The following PRDM8 variants were observed in gnomAD, a reference collection of about 807,000 sequenced individuals.
The protein encoded by PRDM8 is PR domain zinc finger protein 8.
PRDM8 carries 13 observed loss-of-function variants against 46.5 expected under a neutral mutation model. That is an observed-to-expected ratio of 0.28 (90% CI 0.18 to 0.44). The LOEUF is 0.44. PRDM8 is among the 20% of genes least tolerant of loss of function. PRDM8 has a pLI of 1.00. For synonymous variants in PRDM8, 473 were observed against 438.4 expected (o/e 1.08, Z -0.98); for missense variants, 998 against 955.0 (o/e 1.04, Z -0.59).
upstream of PRDM8, among the ~76,000 whole-genome samples, chr4:80,196,790 C>T (rs2109871185): frequency 6.6e-6 from 1 of 152,246 alleles, no homozygotes; most frequent in Admixed American, 6.5e-5. Flanking sequence ...CTGCGCTCTT[C>T]CCACCAACCT....
chr4:80,196,895 T>G, upstream of PRDM8: 1 of 984,778 alleles, frequency 1.0e-6, no homozygotes, highest in Non-Finnish European at 1.2e-6. Context: ...CACTCCAACC[T>G]CATCTCCCAA....
In PRDM8 at chr4:80,203,749, C is replaced by T. The variant is rs1010315730; in HGVS notation, c.*217C>T. On this transcript the variant is annotated 3_prime_UTR_variant, in exon 4 of 4. Transcript: ENST00000415738. ...TACCCGGGACACACACCCCCCCCCACACACACACACAGACACACTCACACA... is the reference window on the plus strand; with the variant it reads ...TACCCGGGACACACACCCCCCCCCATACACACACACAGACACACTCACACA... 2 of 520,250 alleles carry T rather than the reference C, an allele frequency of 3.8e-6. No homozygotes were observed. Among genetic ancestry groups the T allele is most frequent in the African/African-American group, 4.0e-5 (2 of 49,460 alleles). The allele number at this position is 520,250 out of a possible 1,614,324, so 32.2% of individuals were successfully genotyped here.
chr4:80,189,897 C>T (rs532846686), intron 1 of PRDM8: 2 of 152,284 alleles, frequency 1.3e-5, no homozygotes, highest in Non-Finnish European at 2.9e-5. Flanking sequence ...GGCATTGAGA[C>T]CATCTCGTGT....
chr4:80,202,211 C>CCGG lies in PRDM8; in HGVS notation c.754_756dup (p.Gly252dup). On this transcript the variant is annotated inframe_insertion, in exon 4 of 4. Transcript: ENST00000415738. ...GAAAGCAGCAACCCATCCGCTGCCG[C>CCGG]CGGCGGCAGCAGCGCGAAGCCATCC... The CCGG allele has an allele frequency of 6.2e-7, 1 of 1,612,030 alleles. No individual in the cohort carries two copies. Among genetic ancestry groups the CCGG allele is most frequent in the Non-Finnish European group, 8.5e-7 (1 of 1,179,734 alleles).
upstream of PRDM8, chr4:80,197,448 C>T (rs751201331): frequency 1.2e-4 from 116 of 985,658 alleles, no homozygotes; most frequent in Non-Finnish European, 1.4e-4. Context: ...GGCTGTCACG[C>T]GTCATTGGGC....
At position 80,203,093 on chromosome 4, in the gene PRDM8, C is replaced by T. The variant is rs771914755; in HGVS notation, c.1631C>T (p.Pro544Leu). 2.9e-5 allele frequency: 45 copies of T among 1,573,092 alleles called. No homozygotes were observed. Among genetic ancestry groups the T allele is most frequent in the Non-Finnish European group, 3.8e-5 (44 of 1,168,544 alleles). The change falls in exon 4 of 4, where the codon CCT (proline) becomes CTT (leucine). Residue 544 changes from proline (P) to leucine (L), a missense_variant. Coordinates refer to ENST00000415738, the MANE Select transcript of PRDM8 (RefSeq NM_001099403.2). ...AGACTCTATCCCGCCGCCGCGGACCCTCTAGCGGTGAAGCTCCAGGGGGCC... is the reference window on the plus strand; with the variant it reads ...AGACTCTATCCCGCCGCCGCGGACCTTCTAGCGGTGAAGCTCCAGGGGGCC... ...PTRLYPAAAD[P>L]LAVKLQGAAD... is the part of the protein sequence containing the mutation.
chr4:80,194,476 T>G (rs1456863700), upstream of PRDM8, among the ~76,000 whole-genome samples: 9 of 152,232 alleles, frequency 5.9e-5, no homozygotes, highest in Non-Finnish European at 1.3e-4. Flanking sequence ...GTAGTTTATG[T>G]ACCATTTTAG....
chr4:80,193,882 T>C (rs1042569591), upstream of PRDM8, among the ~76,000 whole-genome samples: 3 of 152,310 alleles, frequency 2.0e-5, no homozygotes, highest in African/African-American at 7.2e-5. Flanking sequence ...TAGAGGTGGG[T>C]AAGCCAGGAC....
chr4:80,191,589 T>C (rs1737550079), intron 2 of PRDM8: 1 of 152,214 alleles, frequency 6.6e-6, no homozygotes, highest in Non-Finnish European at 1.5e-5. Flanking sequence ...GAAGTGTTTA[T>C]AGTAATAATG....
rs1477937272 is a variant in PRDM8, at chr4:80,202,588, C to A, written c.1126C>A (p.Pro376Thr). ...CGGCCGCCTCTTCGCGCCGCCAAGT[C>A]CCGAGACGGGCGAGGCGAAGCGCAG... ...ENGRLFAPPSPETGEAKRSAF... is the reference protein window; with the variant it reads ...ENGRLFAPPSTETGEAKRSAF... Residue 376 changes from proline to threonine, a missense_variant, in exon 4 of 4, where the codon CCC (proline) becomes ACC (threonine). Coordinates refer to ENST00000415738, the MANE Select transcript of PRDM8 (RefSeq NM_001099403.2). The A allele has an allele frequency of 6.5e-7, 1 of 1,533,648 alleles. No individual in the cohort carries two copies. The highest frequency in any genetic ancestry group is 2.0e-5 in the Admixed American group (1 of 50,890).
At position 80,200,132 on chromosome 4, in the gene PRDM8, G is replaced by C. The variant is rs772929888; in HGVS notation, c.52G>C (p.Val18Leu). Residue 18 changes from valine (V) to leucine (L), a missense_variant, in exon 2 of 4, where the codon GTC (valine) becomes CTC (leucine). Coordinates refer to ENST00000415738, the MANE Select transcript of PRDM8 (RefSeq NM_001099403.2). ...RGIWDGDAKA[V>L]QQCLTDIFTS... ...CATCTGGGATGGAGATGCCAAGGCT[G>C]TCCAACAATGTCTGACAGATATTTT... The C allele has an allele frequency of 1.9e-6, 3 of 1,613,994 alleles. No homozygotes were observed. The highest frequency in any genetic ancestry group is 2.7e-5 in the African/African-American group (2 of 74,904).
intron 1 of PRDM8, among the ~76,000 whole-genome samples, chr4:80,187,249 C>CGGGGGG (rs138488658): frequency 4.9e-5 from 6 of 121,636 alleles, no homozygotes; most frequent in Non-Finnish European, 1.2e-4. Context: ...TGCCCTGGGG[C>CGGGGGG]GGGGGGAAGC....
chr4:80,203,363 T>G lies in PRDM8; in HGVS notation c.1901T>G (p.Phe634Cys), dbSNP rs1245779420. The G allele has an allele frequency of 1.2e-6, 2 of 1,613,924 alleles. No homozygotes were observed. Among genetic ancestry groups the G allele is most frequent in the East Asian group, 2.2e-5 (1 of 44,834 alleles). Residue 634 changes from phenylalanine (F) to cysteine (C), a missense_variant, in exon 4 of 4, where the codon TTC (phenylalanine) becomes TGC (cysteine). Phe to Cys is a radical substitution (Grantham distance 205). Transcript: ENST00000415738. ...QNWCAKCNASFRMTSDLVYHM... is the reference protein window; with the variant it reads ...QNWCAKCNASCRMTSDLVYHM... ...TGGTGCGCCAAGTGCAATGCCTCCT[T>G]CCGCATGACCTCCGACCTGGTGTAC...
intron 1 of PRDM8, among the ~76,000 whole-genome samples, chr4:80,198,978 GGGTTTTTTTTTTTTT>G (rs1457400642): frequency 0.017 from 1,689 of 101,584 alleles, 9 homozygotes; most frequent in East Asian, 0.084. Flanking sequence ...GGGTTTTTTT[GGGTTTTTTTTTTTTT>G]GTTTTTTTTT....
intron 1 of PRDM8, among the ~76,000 whole-genome samples, chr4:80,187,905 C>G (rs561539250): frequency 5.3e-5 from 8 of 152,208 alleles, no homozygotes; most frequent in African/African-American, 1.9e-4. Flanking sequence ...CCATTTCAGA[C>G]AGACTCTTTG....
At chr4:80,189,008 G>T (rs973246728) in intron 1 of PRDM8, among the ~76,000 whole-genome samples, 1 of 152,178 alleles carries the variant, frequency 6.6e-6, no homozygotes, top group East Asian at 1.9e-4. Context: ...CCAAGCTCCG[G>T]GACTTGGGTG....
chr4:80,193,795 TC>T (rs1176988699), upstream of PRDM8, among the ~76,000 whole-genome samples: 2 of 151,666 alleles, frequency 1.3e-5, no homozygotes, highest in East Asian at 1.9e-4. Context: ...GTGGGTTTTT[TC>T]CCCCCCTTTC....
At chr4:80,190,681 G>A (rs1015269078) in intron 1 of PRDM8, among the ~76,000 whole-genome samples, 2 of 152,166 alleles carry the variant, frequency 1.3e-5, no homozygotes, top group Non-Finnish European at 2.9e-5. Flanking sequence ...CTAAGACATG[G>A]GCACCGGACA....
At chr4:80,197,183 G>A, upstream of PRDM8, 1 of 985,508 alleles carries the variant, frequency 1.0e-6, no homozygotes, top group Non-Finnish European at 1.2e-6. Flanking sequence ...CAAGTGCCTA[G>A]TGAAACGGGG....
Sources: allele counts gnomAD v4.1 joint callset (sites outside exome capture counted in the v4.1 genomes callset), GRCh38; gene constraint gnomAD v4.1.1; transcripts MANE v1.5; gene names NCBI Gene and HGNC (gene_info 2026-07-23, HGNC 2026-07-21).